IDE: variants seen among roughly 807,000 people sequenced by gnomAD.
IDE encodes insulin-degrading enzyme.
IDE carries 58 observed loss-of-function variants against 133.2 expected under a neutral mutation model. The ratio of observed to expected loss-of-function variants is 0.44; its 90% confidence interval spans 0.35 to 0.54. The LOEUF is 0.54. IDE is among the 20% of genes least tolerant of loss of function. The pLI is 0.00. For synonymous variants in IDE, 396 were observed against 421.3 expected, an observed-to-expected ratio of 0.94 and a Z score of 0.73; for missense variants, 981 against 1,234.0, an observed-to-expected ratio of 0.79 and a Z score of 3.07.
chr10:92,573,257 G>A, intron 1 of IDE: 1 of 864,164 alleles, frequency 1.2e-6, no homozygotes, highest in South Asian at 5.3e-5. Context: ...CTCGGCAGTT[G>A]CTGGGAAATC....
At chr10:92,555,896 G>A (rs1015108348) in intron 1 of IDE, among the ~76,000 whole-genome samples, 4 of 152,296 alleles carry the variant, frequency 2.6e-5, no homozygotes, top group Non-Finnish European at 4.4e-5. Context: ...AAAGTAGGCC[G>A]GGCGCGGTGG....
chr10:92,559,560 G>C (rs1589543534), intron 1 of IDE, among the ~76,000 whole-genome samples: 1 of 152,166 alleles, frequency 6.6e-6, no homozygotes, highest in African/African-American at 2.4e-5. Context: ...GAATGGTCCA[G>C]AACAGGCAAA....
intron 9 of IDE, 80 bp from the exon 10 acceptor site, chr10:92,506,602 G>A: frequency 1.5e-6 from 1 of 663,534 alleles, no homozygotes; most frequent in Non-Finnish European, 2.6e-6. Flanking sequence ...TGTTTGGCTT[G>A]CACTATAAGC....
chr10:92,455,487 A>G (rs1478790094), intron 24 of IDE, 89 bp downstream of exon 24: 4 of 857,582 alleles, frequency 4.7e-6, no homozygotes, highest in Non-Finnish European at 7.8e-6. Flanking sequence ...TTTCAAAAAC[A>G]AAAAACAAAA....
chr10:92,468,308 C>T (rs1845796329), intron 19 of IDE, among the ~76,000 whole-genome samples: 1 of 152,148 alleles, frequency 6.6e-6, no homozygotes, highest in Admixed American at 6.5e-5. Context: ...AATATACCTT[C>T]TATTACACAG....
In IDE at chr10:92,479,347, T is replaced by C. The variant is rs1250955316; in HGVS notation, c.1814A>G (p.Asn605Ser). 3.1e-6 allele frequency: 5 copies of C among 1,613,508 alleles called. No homozygotes were observed. The highest frequency in any genetic ancestry group is 8.5e-7 in the Non-Finnish European group (1 of 1,179,550). ...TAGCTCTGCTGCATATGCATACTCG[T>C]TGAGTGAGTCTTTGAGGAGCTCAAG... ...LYLELLKDSL[N>S]EYAYAAELAG... is the part of the protein sequence containing the mutation. The change falls in exon 15 of 25, where the codon AAC becomes AGC. Residue 605 changes from asparagine to serine, a missense_variant. Asn to Ser is a conservative substitution (Grantham distance 46, BLOSUM62 1). Transcript: ENST00000265986.
intron 1 of IDE, among the ~76,000 whole-genome samples, chr10:92,539,708 G>T (rs1230600843): frequency 2.0e-5 from 3 of 152,010 alleles, no homozygotes; most frequent in Non-Finnish European, 4.4e-5. Flanking sequence ...AGGTTGCAGT[G>T]AGCTGAGGTC....
rs191412893 is a variant in IDE at position 92,573,357 on chromosome 10, C to T, written c.98+565G>A. 3.8e-4 allele frequency among the ~76,000 whole-genome samples: 58 copies of T among 152,298 alleles called. No homozygotes were observed. The East Asian group carries it at 7.2e-3, about 19-fold the overall frequency. ...GAGGTATCTTTTGGCTCCTAAATGTCCCCCGATAGGAAACCCCACACTCGT... is the reference window on the plus strand; with the variant it reads ...GAGGTATCTTTTGGCTCCTAAATGTTCCCCGATAGGAAACCCCACACTCGT... On this transcript the variant is annotated intron_variant, in intron 1 of 24. Transcript: ENST00000265986.
Position 92,463,897 on chromosome 10 carries a change from A to C in IDE, c.2595T>G (p.Ala865=). 6.2e-7 allele frequency: 1 copy of C among 1,614,174 alleles called. No homozygotes were observed. Among genetic ancestry groups the C allele is most frequent in the Non-Finnish European group, 8.5e-7 (1 of 1,180,026 alleles). The change falls in exon 21 of 25, where the codon GCT becomes GCG. Residue 865 remains alanine, a synonymous_variant. Coordinates refer to ENST00000265986, the MANE Select transcript of IDE (RefSeq NM_004969.4). ...TGGACTTTTCCATGGTAATTAAGAAAGCTTCCACTCTGCTTTCTAGGTAGT... is the reference window on the plus strand; with the variant it reads ...TGGACTTTTCCATGGTAATTAAGAACGCTTCCACTCTGCTTTCTAGGTAGT... ...PPHYLESRVE[A]FLITMEKSIE...
intron 4 of IDE, among the ~76,000 whole-genome samples, chr10:92,521,468 C>A (rs1849222883): frequency 6.6e-6 from 1 of 150,912 alleles, no homozygotes; most frequent in African/African-American, 2.4e-5. Flanking sequence ...TAAATAAATT[C>A]CAAGAGGGGA....
At chr10:92,527,171 G>A (rs75681694) in intron 4 of IDE, among the ~76,000 whole-genome samples, 5,117 of 152,058 alleles carry the variant, frequency 0.034, 138 homozygotes, top group Admixed American at 0.06. Context: ...AGTGGCACAT[G>A]TCTGTAGTCT....
Position 92,454,372 on chromosome 10 carries a change from C to T in IDE, c.*72G>A. On this transcript the variant is annotated 3_prime_UTR_variant, in exon 25 of 25. Coordinates refer to ENST00000265986, the MANE Select transcript of IDE (RefSeq NM_004969.4). ...GTGAATCAGAAACTATTAAAGTGGC[C>T]AAGATGATTTTCTTAGGCTCTGGAA... 1 of 1,025,570 alleles carries T rather than the reference C, an allele frequency of 9.8e-7. No homozygotes were observed. The highest frequency in any genetic ancestry group is 1.5e-6 in the Non-Finnish European group (1 of 648,776). The allele number at this position is 1,025,570 out of a possible 1,614,324, so 63.5% of individuals were successfully genotyped here.
chr10:92,573,303 A>G, intron 1 of IDE: 1 of 419,272 alleles, frequency 2.4e-6, no homozygotes, highest in Non-Finnish European at 3.2e-6. Context: ...TCTCCGACGT[A>G]AAACAAGGGA....
At chr10:92,561,321 A>G (rs1317713025) in intron 1 of IDE, among the ~76,000 whole-genome samples, 2 of 152,174 alleles carry the variant, frequency 1.3e-5, no homozygotes, top group African/African-American at 4.8e-5. Flanking sequence ...ACAGCTGTCT[A>G]AAGTAGACTT....
rs370379586 is a variant in IDE, at chr10:92,551,189, C to T, written c.99-13639G>A. On this transcript the variant is annotated intron_variant, in intron 1 of 24. Transcript: ENST00000265986. The stretch of plus-strand genomic sequence containing the variant: ...CTGATGGATGAATCAGTAAACAAAA[C>T]GTAGTTTATACAATAAAATTTATTC... 6.6e-5 allele frequency among the ~76,000 whole-genome samples: 10 copies of T among 152,256 alleles called. No individual in the cohort carries two copies. In the East Asian group the frequency reaches 7.7e-4, roughly 12 times the overall value.
At chr10:92,534,907 C>T in intron 2 of IDE, 122 bp from the exon 3 acceptor site, 1 of 672,298 alleles carries the variant, frequency 1.5e-6, no homozygotes, top group Middle Eastern at 4.1e-4. Flanking sequence ...AAGTTAAGCA[C>T]AAGCTACCTA....
In IDE at chr10:92,522,578, T is replaced by C. The variant is rs180896068; in HGVS notation, c.662-7536A>G. 3.3e-5 allele frequency among the ~76,000 whole-genome samples: 5 copies of C among 152,314 alleles called. No individual in the cohort carries two copies. In the East Asian group the frequency reaches 7.7e-4, roughly 23 times the overall value. On this transcript the variant is annotated intron_variant, in intron 4 of 24. Transcript: ENST00000265986. ...CTTCCTTCTGCTTAAGGAAATCTTA[T>C]CTATACTTCAGGAGAAGTGAAACTG...
intron 7 of IDE, among the ~76,000 whole-genome samples, chr10:92,508,406 C>T (rs1848411772): frequency 6.6e-6 from 1 of 152,008 alleles, no homozygotes; most frequent in Non-Finnish European, 1.5e-5. Context: ...TTCCTCAAAT[C>T]AATTCCCAGT....
chr10:92,572,039 C>T (rs1389415584), intron 1 of IDE, among the ~76,000 whole-genome samples: 4 of 152,228 alleles, frequency 2.6e-5, no homozygotes, highest in Non-Finnish European at 4.4e-5. Context: ...TGGCTCATCT[C>T]ATTCATTATG....
Sources: allele counts gnomAD v4.1 joint callset (sites outside exome capture counted in the v4.1 genomes callset), GRCh38; gene constraint gnomAD v4.1.1; transcripts MANE v1.5; gene names NCBI Gene and HGNC (gene_info 2026-07-23, HGNC 2026-07-21).